Variants in FBXL17 observed in about 807,000 individuals in gnomAD.
The protein encoded by FBXL17 is F-box/LRR-repeat protein 17.
FBXL17 carries 22 observed loss-of-function variants against 66.2 expected under a neutral mutation model. That is an observed-to-expected ratio of 0.33 (90% confidence interval 0.24 to 0.47). FBXL17 has a LOEUF of 0.47. Ranked by LOEUF, FBXL17 falls within the 20% of genes least tolerant of loss-of-function variation. The probability of loss-of-function intolerance (pLI) is 1.00; values close to 1 mark genes in which losing one functional copy is unlikely to be tolerated. For synonymous variants in FBXL17, 474 were observed against 400.5 expected (o/e 1.18, Z -2.19); for missense variants, 878 against 948.2 (o/e 0.93, Z 0.97).
chr5:107,932,411 T>A (rs533150930), intron 7 of FBXL17, among the ~76,000 whole-genome samples: 1 of 152,192 alleles, frequency 6.6e-6, no homozygotes, highest in Non-Finnish European at 1.5e-5. Flanking sequence ...GATATTTTAA[T>A]GACCTCCATG....
intron 7 of FBXL17, among the ~76,000 whole-genome samples, chr5:107,995,532 A>G (rs1470116591): frequency 2.0e-5 from 3 of 152,074 alleles, no homozygotes; most frequent in African/African-American, 7.2e-5. Context: ...CTTACTTTTA[A>G]GAAAAAAAAA....
chr5:108,194,860 C>T (rs1488269443), intron 5 of FBXL17, among the ~76,000 whole-genome samples: 1 of 152,164 alleles, frequency 6.6e-6, no homozygotes, highest in Non-Finnish European at 1.5e-5. Context: ...ACAGGGCGAG[C>T]CTTCAGTATT....
chr5:108,105,907 G>A (rs1306154165), intron 6 of FBXL17, among the ~76,000 whole-genome samples: 7 of 152,096 alleles, frequency 4.6e-5, no homozygotes, highest in Non-Finnish European at 7.4e-5. Context: ...AGAGTAAAAC[G>A]GAGGGAGACT....
chr5:108,213,134 C>T (rs1429839272), intron 5 of FBXL17, among the ~76,000 whole-genome samples: 2 of 152,112 alleles, frequency 1.3e-5, no homozygotes, highest in East Asian at 1.9e-4. Context: ...TCAGCAATGG[C>T]AGGTGACCCT....
chr5:108,218,174 TTTTTTATA>T (rs1754695757), intron 5 of FBXL17, among the ~76,000 whole-genome samples: 1 of 151,676 alleles, frequency 6.6e-6, no homozygotes, highest in Non-Finnish European at 1.5e-5. Flanking sequence ...CCCATCTAAT[TTTTTTATA>T]TTTTTTTAGT....
rs561444484 is a variant in FBXL17, at chr5:107,915,238, T to G, written c.1823-34059A>C. On this transcript the variant is annotated intron_variant, in intron 7 of 8. Transcript: ENST00000542267. ...AGAGTCTCAACCATTACAAGCTGCATAAAACATAAGTAAAACATTTTTGCC... is the reference window on the plus strand; with the variant it reads ...AGAGTCTCAACCATTACAAGCTGCAGAAAACATAAGTAAAACATTTTTGCC... Among the ~76,000 whole-genome samples the G allele has an allele frequency of 7.9e-5, 12 of 152,286 alleles. No individual in the cohort carries two copies. The South Asian group carries it at 2.1e-3, about 26-fold the overall frequency.
intron 4 of FBXL17, among the ~76,000 whole-genome samples, chr5:108,267,705 C>T (rs866077761): frequency 1.3e-5 from 2 of 151,884 alleles, no homozygotes; most frequent in African/African-American, 4.8e-5. Flanking sequence ...AGACAATATA[C>T]AGGTGGCTGA....
chr5:108,165,693 T>C (rs928042311), intron 6 of FBXL17, among the ~76,000 whole-genome samples: 2 of 152,176 alleles, frequency 1.3e-5, no homozygotes, highest in South Asian at 4.1e-4. Context: ...TAGCAAAATA[T>C]AGGTGTTAGA....
chr5:108,362,251 A>G (rs1287181270), intron 3 of FBXL17, among the ~76,000 whole-genome samples: 1 of 152,146 alleles, frequency 6.6e-6, no homozygotes, highest in African/African-American at 2.4e-5. Context: ...ATTTTATCTG[A>G]AAAAAGCCTA....
chr5:108,274,767 T>C (rs1757417595), intron 4 of FBXL17, among the ~76,000 whole-genome samples: 1 of 152,226 alleles, frequency 6.6e-6, no homozygotes, highest in South Asian at 2.1e-4. Flanking sequence ...ATCTTCACAA[T>C]CCACGTTCTT....
At chr5:108,246,125 T>C (rs892117280) in intron 4 of FBXL17, among the ~76,000 whole-genome samples, 11 of 152,106 alleles carry the variant, frequency 7.2e-5, no homozygotes, top group Non-Finnish European at 1.6e-4. Context: ...AGAGGTGCCA[T>C]ATACCTAGAG....
At chr5:108,201,623 T>A (rs1168750722) in intron 5 of FBXL17, among the ~76,000 whole-genome samples, 1 of 152,072 alleles carries the variant, frequency 6.6e-6, no homozygotes, top group East Asian at 1.9e-4. Context: ...ATATGCTTAT[T>A]TTTTTCTCAG....
intron 4 of FBXL17, among the ~76,000 whole-genome samples, chr5:108,287,873 C>T (rs766955959): frequency 3.9e-5 from 6 of 151,962 alleles, no homozygotes; most frequent in Non-Finnish European, 7.4e-5. Flanking sequence ...CCTAAATACC[C>T]ACTGATGGTA....
chr5:108,380,377 T>C (rs910985864), intron 1 of FBXL17, among the ~76,000 whole-genome samples: 34 of 152,280 alleles, frequency 2.2e-4, no homozygotes, highest in African/African-American at 6.3e-4. Context: ...TATAAATTCC[T>C]CGATTAAAAA....
intron 7 of FBXL17, among the ~76,000 whole-genome samples, chr5:107,981,912 A>G (rs561847506): frequency 6.6e-6 from 1 of 152,312 alleles, no homozygotes; most frequent in African/African-American, 2.4e-5. Context: ...CTATGGATAA[A>G]ACCATGAATG....
chr5:108,179,819 AT>A (rs577740024), intron 6 of FBXL17, among the ~76,000 whole-genome samples: 1 of 152,202 alleles, frequency 6.6e-6, no homozygotes, highest in Non-Finnish European at 1.5e-5. Context: ...ATGAACTATT[AT>A]TTTTTAATAT....
At chr5:108,082,577 G>T (rs916366219) in intron 6 of FBXL17, among the ~76,000 whole-genome samples, 32 of 152,118 alleles carry the variant, frequency 2.1e-4, no homozygotes, top group African/African-American at 7.2e-4. Context: ...AGGCTCTTCT[G>T]TTTTTTCAAC....
intron 4 of FBXL17, among the ~76,000 whole-genome samples, chr5:108,320,427 T>C (rs1332699229): frequency 6.6e-6 from 1 of 151,740 alleles, no homozygotes; most frequent in African/African-American, 2.4e-5. Flanking sequence ...AGCAAATACA[T>C]ACAGCTCTTG....
chr5:108,033,866 T>C (rs986848846), intron 6 of FBXL17, among the ~76,000 whole-genome samples: 2 of 152,316 alleles, frequency 1.3e-5, no homozygotes, highest in African/African-American at 4.8e-5. Context: ...TCTACTCTTA[T>C]TATTTTTCAT....
Sources: gnomAD v4.1 joint callset for allele counts (sites outside exome capture counted in the v4.1 genomes callset) on GRCh38, gnomAD v4.1.1 for gene constraint, MANE v1.5 for transcripts, NCBI Gene and HGNC (gene_info 2026-07-23, HGNC 2026-07-21) for gene names.